CCDC178: variants seen among roughly 807,000 people sequenced by gnomAD.
CCDC178 encodes the protein coiled-coil domain-containing protein 178.
In CCDC178, 126 loss-of-function variants were observed where a neutral mutation model predicts 117.4. The ratio of observed to expected loss-of-function variants is 1.07; its 90% confidence interval spans 0.93 to 1.24. CCDC178 has a LOEUF of 1.24. Ranked by LOEUF, CCDC178 falls within the 50% of genes most tolerant of loss-of-function variation. The pLI is 0.00. For missense variants in CCDC178, 1,030 were observed against 986.9 expected (o/e 1.04, Z -0.59); for synonymous variants, 283 against 313.4 (o/e 0.90, Z 1.02).
chr18:32,977,460 C>T (rs1381613104), intron 21 of CCDC178, among the ~76,000 whole-genome samples: 2 of 152,070 alleles, frequency 1.3e-5, no homozygotes, highest in African/African-American at 2.4e-5. Context: ...TAAAACCTTA[C>T]CACATAGCAT....
At chr18:33,135,784 A>G (rs1038991831) in intron 20 of CCDC178, among the ~76,000 whole-genome samples, 4 of 152,288 alleles carry the variant, frequency 2.6e-5, no homozygotes, top group Middle Eastern at 3.4e-3. Context: ...GCTGATGGGA[A>G]GAATAGGGCA....
intron 2 of CCDC178, among the ~76,000 whole-genome samples, chr18:33,434,997 G>C (rs1224768823): frequency 6.6e-6 from 1 of 152,010 alleles, no homozygotes; most frequent in Non-Finnish European, 1.5e-5. Flanking sequence ...TTGTCATTTT[G>C]TTTATCTTTG....
At chr18:33,325,543 C>G (rs1333181635) in intron 10 of CCDC178, among the ~76,000 whole-genome samples, 2 of 151,734 alleles carry the variant, frequency 1.3e-5, no homozygotes, top group Non-Finnish European at 2.9e-5. Context: ...AAAAATTTCC[C>G]TCCTCTTCTT....
At chr18:33,170,260 A>C (rs2058583143) in intron 20 of CCDC178, among the ~76,000 whole-genome samples, 1 of 152,100 alleles carries the variant, frequency 6.6e-6, no homozygotes, top group Admixed American at 6.6e-5. Flanking sequence ...CCTGTTTATA[A>C]ATTATTGGAA....
intron 2 of CCDC178, among the ~76,000 whole-genome samples, chr18:33,423,728 T>C (rs938735766): frequency 3.3e-5 from 5 of 152,180 alleles, no homozygotes; most frequent in Non-Finnish European, 7.4e-5. Flanking sequence ...ATGTTTTTTC[T>C]TTGACAAAGT....
At chr18:33,361,504 TA>T (rs1006840871) in intron 6 of CCDC178, among the ~76,000 whole-genome samples, 1 of 147,512 alleles carries the variant, frequency 6.8e-6, no homozygotes. Context: ...TGCATCAAAC[TA>T]AAAAAAAATG....
chr18:33,025,756 T>A (rs1342847604), intron 21 of CCDC178, among the ~76,000 whole-genome samples: 1 of 152,084 alleles, frequency 6.6e-6, no homozygotes, highest in Non-Finnish European at 1.5e-5. Flanking sequence ...GTAAAGAAAT[T>A]TGACTTACAC....
chr18:33,306,580 T>C (rs2062257200), intron 11 of CCDC178, among the ~76,000 whole-genome samples: 1 of 147,890 alleles, frequency 6.8e-6, no homozygotes, highest in African/African-American at 2.5e-5. Context: ...TAATATATGG[T>C]TATATATATG....
At chr18:33,304,834 G>C (rs530950235) in intron 11 of CCDC178, among the ~76,000 whole-genome samples, 1 of 152,258 alleles carries the variant, frequency 6.6e-6, no homozygotes, top group South Asian at 2.1e-4. Flanking sequence ...CAGCTGGAAG[G>C]CACCATAAAA....
intron 11 of CCDC178, among the ~76,000 whole-genome samples, chr18:33,308,859 C>A (rs1157582517): frequency 6.6e-6 from 1 of 152,158 alleles, no homozygotes; most frequent in Non-Finnish European, 1.5e-5. Flanking sequence ...CCCTTTCCAC[C>A]ATAATTGTAA....
intron 10 of CCDC178, among the ~76,000 whole-genome samples, chr18:33,330,018 A>G (rs1224899285): frequency 1.7e-5 from 2 of 115,590 alleles, no homozygotes; most frequent in Non-Finnish European, 3.6e-5. Flanking sequence ...TTTACTTGTT[A>G]TACACCTGCT....
intron 11 of CCDC178, among the ~76,000 whole-genome samples, chr18:33,300,012 T>TG (rs2062156492): frequency 6.6e-6 from 1 of 152,190 alleles, no homozygotes; most frequent in Non-Finnish European, 1.5e-5. Context: ...ATGTTTAAGG[T>TG]GGGGCATGAT....
At chr18:33,431,352 C>A (rs2064217260) in intron 2 of CCDC178, among the ~76,000 whole-genome samples, 1 of 151,788 alleles carries the variant, frequency 6.6e-6, no homozygotes, top group Non-Finnish European at 1.5e-5. Flanking sequence ...ATTAGGCATT[C>A]TCAATTATAA....
intron 20 of CCDC178, among the ~76,000 whole-genome samples, chr18:33,190,213 A>G (rs2058841271): frequency 6.6e-6 from 1 of 152,182 alleles, no homozygotes; most frequent in Admixed American, 6.5e-5. Flanking sequence ...GATTTGGAAG[A>G]CTAATTAGTG....
intron 10 of CCDC178, among the ~76,000 whole-genome samples, chr18:33,330,212 A>G (rs900450651): frequency 3.9e-5 from 6 of 152,080 alleles, no homozygotes; most frequent in East Asian, 1.9e-4. Flanking sequence ...TCAAAGAAAA[A>G]TGTGTTTACT....
Position 33,429,620 on chromosome 18 carries a change from C to T in CCDC178, c.-23+10342G>A, listed in dbSNP as rs537695158. On this transcript the variant is annotated intron_variant, in intron 2 of 22. Coordinates refer to ENST00000383096, the MANE Select transcript of CCDC178 (RefSeq NM_001105528.4). Reference sequence around the variant, plus strand: ...ATATATGATATAAATATTACACATTCGTCTTTGAGAAAGGAAAGCATGAAA... The same window carrying T: ...ATATATGATATAAATATTACACATTTGTCTTTGAGAAAGGAAAGCATGAAA... 3.3e-5 allele frequency among the ~76,000 whole-genome samples: 5 copies of T among 152,104 alleles called. 1 individual carries two copies. The South Asian group carries it at 8.3e-4, about 25-fold the overall frequency.
At chr18:33,166,428 A>C (rs1262876536) in intron 20 of CCDC178, among the ~76,000 whole-genome samples, 2 of 152,126 alleles carry the variant, frequency 1.3e-5, no homozygotes, top group Non-Finnish European at 2.9e-5. Context: ...AGAGAAAAGG[A>C]AAAAAATCTC....
intron 2 of CCDC178, 33 bp downstream of exon 2, chr18:33,439,929 T>C (rs1056024999): frequency 6.6e-6 from 1 of 152,198 alleles, no homozygotes; most frequent in African/African-American, 2.4e-5. Context: ...TTTTGTCAAA[T>C]CACAAATCAG....
chr18:33,082,755 A>G (rs2057317398), intron 21 of CCDC178, among the ~76,000 whole-genome samples: 1 of 151,642 alleles, frequency 6.6e-6, no homozygotes, highest in African/African-American at 2.4e-5. Flanking sequence ...TAAAATACGT[A>G]TTCTAAAAAA....
Sources: gnomAD v4.1 joint callset for allele counts (sites outside exome capture counted in the v4.1 genomes callset) on GRCh38, gnomAD v4.1.1 for gene constraint, MANE v1.5 for transcripts, NCBI Gene and HGNC (gene_info 2026-07-23, HGNC 2026-07-21) for gene names.